The following ZZEF1 variants were observed in gnomAD, a reference collection of about 807,000 sequenced individuals.
ZZEF1 encodes the protein zinc finger ZZ-type and EF-hand domain containing 1.
A neutral mutation model predicts 342.8 loss-of-function variants in ZZEF1; 157 were observed. The observed-to-expected ratio is 0.46, with a 90% CI of 0.40 to 0.52. The LOEUF is 0.52. Ranked by LOEUF, ZZEF1 falls within the 20% of genes least tolerant of loss-of-function variation. ZZEF1 has a pLI of 0.00. For missense variants in ZZEF1, 3,480 were observed against 3,725.6 expected (o/e 0.93, Z 1.72); for synonymous variants, 1,505 against 1,429.1 (o/e 1.05, Z -1.20).
chr17:4,051,850 C>T (rs1232881645), intron 35 of ZZEF1, 121 bp downstream of exon 35: 9 of 1,045,984 alleles, frequency 8.6e-6, no homozygotes, highest in Middle Eastern at 3.0e-4. Flanking sequence ...AGTCTCTTTA[C>T]TTTTGGTTAT....
intron 18 of ZZEF1, 132 bp downstream of exon 18, chr17:4,081,238 AAACAAC>A: frequency 2.7e-6 from 2 of 740,916 alleles, no homozygotes; most frequent in South Asian, 1.7e-5. Flanking sequence ...CCCTATCTCA[AAACAAC>A]AACAACAACA....
intron 46 of ZZEF1, among the ~76,000 whole-genome samples, chr17:4,019,090 C>T (rs2056195086): frequency 6.6e-6 from 1 of 151,896 alleles, no homozygotes; most frequent in Non-Finnish European, 1.5e-5. Context: ...AACCCTGCTT[C>T]ACCTCATAAA....
At chr17:4,028,330 C>T (rs1029264637) in intron 42 of ZZEF1, among the ~76,000 whole-genome samples, 1 of 152,118 alleles carries the variant, frequency 6.6e-6, no homozygotes, top group Non-Finnish European at 1.5e-5. Flanking sequence ...AGGCGAATCA[C>T]CTGACTCAGG....
chr17:4,046,707 C>T (rs1252865817), intron 37 of ZZEF1, among the ~76,000 whole-genome samples: 1 of 152,224 alleles, frequency 6.6e-6, no homozygotes, highest in Non-Finnish European at 1.5e-5. Flanking sequence ...CGACACCATA[C>T]TCCCTGTACC....
At chr17:4,064,151 G>A (rs2057343074) in intron 29 of ZZEF1, among the ~76,000 whole-genome samples, 1 of 151,146 alleles carries the variant, frequency 6.6e-6, no homozygotes, top group Non-Finnish European at 1.5e-5. Context: ...AAACTGCTGA[G>A]ATTATAGGCA....
At chr17:4,094,886 C>T (rs537954753) in intron 11 of ZZEF1, among the ~76,000 whole-genome samples, 46 of 152,172 alleles carry the variant, frequency 3.0e-4, no homozygotes, top group Non-Finnish European at 5.3e-4. Context: ...GCCCAGCTGC[C>T]TCCAGACTTG....
chr17:4,014,325 A>C lies in ZZEF1; in HGVS notation c.8314+22T>G. 6.2e-7 allele frequency: 1 copy of C among 1,614,008 alleles called. No individual in the cohort carries two copies. Among genetic ancestry groups the C allele is most frequent in the Non-Finnish European group, 8.5e-7 (1 of 1,179,916 alleles). On this transcript the variant is annotated intron_variant, in intron 50 of 54. Coordinates refer to ENST00000381638, the MANE Select transcript of ZZEF1 (RefSeq NM_015113.4). This position sits in a 1 kb window ranked among gnomAD's most constrained non-coding sequence, Gnocchi z 4.4. ...AACACTGCCTGTGAAGAACCTATCT[A>C]ATCGAGTATTTGTTTCACTACCTGG...
intron 39 of ZZEF1, among the ~76,000 whole-genome samples, chr17:4,037,592 CTTTTT>C (rs1158683208): frequency 6.6e-6 from 1 of 152,020 alleles, no homozygotes; most frequent in Non-Finnish European, 1.5e-5. Context: ...TTTTTCTTTT[CTTTTT>C]TTAAGAGACA....
At position 4,014,376 on chromosome 17, in the gene ZZEF1, T is replaced by C; in HGVS notation, c.8285A>G (p.Gln2762Arg). The change falls in exon 50 of 55, where the codon CAG becomes CGG. Residue 2762 changes from glutamine to arginine, a missense_variant. Around this residue, in one of 5 missense-constraint regions of ZZEF1, gnomAD observed 1,269 missense variants for 1,342.4 expected, o/e 0.95. Coordinates refer to ENST00000381638, the MANE Select transcript of ZZEF1 (RefSeq NM_015113.4). This position sits in a 1 kb window ranked among gnomAD's most constrained non-coding sequence, Gnocchi z 4.4. ...AAGTTCAAAATCTTTCCACTTCTGCTGAGACCCGCTGAAGCTGTGTCGGTC... is the reference window on the plus strand; with the variant it reads ...AAGTTCAAAATCTTTCCACTTCTGCCGAGACCCGCTGAAGCTGTGTCGGTC... ...QQDRHSFSGSQQKWKDFELPG... is the reference protein window; with the variant it reads ...QQDRHSFSGSRQKWKDFELPG... 6.2e-7 allele frequency: 1 copy of C among 1,614,270 alleles called. No individual in the cohort carries two copies. The highest frequency in any genetic ancestry group is 1.1e-5 in the South Asian group (1 of 91,086).
At chr17:4,062,620 G>C (rs1202513622) in intron 30 of ZZEF1, 133 bp downstream of exon 30, 6 of 1,011,988 alleles carry the variant, frequency 5.9e-6, no homozygotes, top group Non-Finnish European at 8.3e-6. Flanking sequence ...CTTGGAATGA[G>C]AGAATGAATT....
At chr17:4,122,423 G>C (rs1396635729) in intron 2 of ZZEF1, among the ~76,000 whole-genome samples, 1 of 151,344 alleles carries the variant, frequency 6.6e-6, no homozygotes, top group Non-Finnish European at 1.5e-5. Flanking sequence ...TTGTTGCCCA[G>C]GCTGGAGTGC....
chr17:4,019,418 G>C (rs557641995), intron 46 of ZZEF1, among the ~76,000 whole-genome samples: 1 of 152,294 alleles, frequency 6.6e-6, no homozygotes, highest in South Asian at 2.1e-4. Flanking sequence ...TTCTGTGTCT[G>C]TAAAATGAGT....
At position 4,018,263 on chromosome 17, in the gene ZZEF1, T is replaced by TC. The variant is rs2056169235; in HGVS notation, c.7506-293_7506-292insG. On this transcript the variant is annotated intron_variant, in intron 46 of 54. Coordinates refer to ENST00000381638, the MANE Select transcript of ZZEF1 (RefSeq NM_015113.4). ...TGTTTTATTTTCATTAAAAAAACAT[T>TC]TTTAAAAAAAATTTATTTGTTTTTT... Among the ~76,000 whole-genome samples, 3 of 152,280 alleles carry TC rather than the reference T, an allele frequency of 2.0e-5. No individual in the cohort carries two copies. The East Asian group carries it at 5.8e-4, about 29-fold the overall frequency.
intron 31 of ZZEF1, 72 bp downstream of exon 31, chr17:4,059,099 G>A: frequency 7.6e-7 from 1 of 1,316,594 alleles, no homozygotes; most frequent in Non-Finnish European, 1.0e-6. Context: ...TTTTGACAGT[G>A]AACATATATT....
chr17:4,046,964 C>T (rs934568236), intron 37 of ZZEF1, among the ~76,000 whole-genome samples: 2 of 152,154 alleles, frequency 1.3e-5, no homozygotes, highest in African/African-American at 2.4e-5. Flanking sequence ...GTCCTAGGGG[C>T]CCCAATGGGA....
At chr17:4,122,977 T>C (rs1277097608) in intron 2 of ZZEF1, among the ~76,000 whole-genome samples, 1 of 148,708 alleles carries the variant, frequency 6.7e-6, no homozygotes, top group East Asian at 2.0e-4. Flanking sequence ...TGGAGAGCAG[T>C]GGTGCGATCT....
intron 1 of ZZEF1, among the ~76,000 whole-genome samples, chr17:4,132,701 G>A (rs78292121): frequency 0.19 from 20,985 of 110,652 alleles, 2,202 homozygotes; most frequent in Middle Eastern, 0.24. Flanking sequence ...GTGTGGTGGC[G>A]GGCGCCTGTA....
At chr17:4,048,753 G>A (rs539733138) in intron 37 of ZZEF1, among the ~76,000 whole-genome samples, 19 of 152,040 alleles carry the variant, frequency 1.2e-4, no homozygotes, top group South Asian at 1.0e-3. Flanking sequence ...TCTTGCTGTC[G>A]CCCAGTTTGG....
intron 1 of ZZEF1, among the ~76,000 whole-genome samples, chr17:4,130,664 C>G (rs2058648917): frequency 6.6e-6 from 1 of 151,960 alleles, no homozygotes; most frequent in African/African-American, 2.4e-5. Flanking sequence ...GAAGGGAAAT[C>G]CGGGGACCAG....
Sources: allele counts gnomAD v4.1 joint callset (sites outside exome capture counted in the v4.1 genomes callset), GRCh38; gene constraint gnomAD v4.1.1; regional missense constraint gnomAD v4.1.1; non-coding constraint Gnocchi (gnomAD v3.1); transcripts MANE v1.5; gene names NCBI Gene and HGNC (gene_info 2026-07-23, HGNC 2026-07-21).